NR3C2: variants seen among roughly 807,000 people sequenced by gnomAD.
The protein encoded by NR3C2 is nuclear receptor subfamily 3 group C member 2.
A neutral mutation model predicts 86.4 loss-of-function variants in NR3C2; 15 were observed. The observed-to-expected ratio is 0.17, with a 90% CI of 0.12 to 0.27. NR3C2 has a LOEUF of 0.27. Among genes scored for constraint, NR3C2 ranks in the 10% least tolerant of loss-of-function variants. NR3C2 has a pLI of 1.00. For missense variants in NR3C2, 960 were observed against 1,195.6 expected (o/e 0.80, Z 2.91); for synonymous variants, 458 against 450.5 (o/e 1.02, Z -0.21).
At chr4:148,434,950 A>T (rs1749964774) in intron 2 of NR3C2, among the ~76,000 whole-genome samples, 154 bp downstream of exon 2, 1 of 152,232 alleles carries the variant, frequency 6.6e-6, no homozygotes, top group Non-Finnish European at 1.5e-5. Context: ...CTTCAAAAAA[A>T]TAACATTATA....
At chr4:148,156,557 C>A (rs1560951046) in intron 4 of NR3C2, among the ~76,000 whole-genome samples, 5 of 152,098 alleles carry the variant, frequency 3.3e-5, no homozygotes, top group African/African-American at 1.2e-4. Flanking sequence ...AGAAAAAATG[C>A]TCATCATCAC....
At chr4:148,228,466 A>G (rs1738291965) in intron 3 of NR3C2, among the ~76,000 whole-genome samples, 1 of 152,224 alleles carries the variant, frequency 6.6e-6, no homozygotes, top group Non-Finnish European at 1.5e-5. Flanking sequence ...TGCAATAAAA[A>G]AGCAAAGCTG....
At chr4:148,290,515 A>G (rs1330340807) in intron 2 of NR3C2, among the ~76,000 whole-genome samples, 1 of 152,214 alleles carries the variant, frequency 6.6e-6, no homozygotes, top group African/African-American at 2.4e-5. Context: ...TGCAGCACAG[A>G]TAACTAATAT....
intron 4 of NR3C2, among the ~76,000 whole-genome samples, chr4:148,187,340 C>T (rs539995218): frequency 2.1e-4 from 32 of 152,036 alleles, no homozygotes; most frequent in African/African-American, 7.7e-4. Flanking sequence ...GAAGTGTTCC[C>T]TGTTTACCGC....
chr4:148,252,138 T>C lies in NR3C2; in HGVS notation c.1897+7840A>G, dbSNP rs1739608264. Among the ~76,000 whole-genome samples the C allele has an allele frequency of 2.0e-5, 3 of 152,178 alleles. No individual in the cohort carries two copies. The South Asian group carries it at 6.2e-4, about 31-fold the overall frequency. ...TGAGGATAGATAATAACCCCACACA[T>C]TTGATAGAATTATCAAGAGGATTAA... On this transcript the variant is annotated intron_variant, in intron 3 of 8. Coordinates refer to ENST00000358102, the MANE Select transcript of NR3C2 (RefSeq NM_000901.5).
At chr4:148,297,607 A>G (rs1183079320) in intron 2 of NR3C2, among the ~76,000 whole-genome samples, 1 of 152,180 alleles carries the variant, frequency 6.6e-6, no homozygotes, top group East Asian at 1.9e-4. Context: ...TAAAACTACA[A>G]AAGTAGACAG....
chr4:148,310,761 T>C (rs530391615), intron 2 of NR3C2, among the ~76,000 whole-genome samples: 82 of 152,286 alleles, frequency 5.4e-4, no homozygotes, highest in African/African-American at 1.8e-3. Context: ...ATGACATCTT[T>C]AAAATAATTT....
intron 2 of NR3C2, among the ~76,000 whole-genome samples, chr4:148,374,653 A>C (rs1746585100): frequency 6.6e-6 from 1 of 152,216 alleles, no homozygotes; most frequent in Admixed American, 6.5e-5. Flanking sequence ...CATTTGTGTA[A>C]GGGAACTGAG....
chr4:148,251,774 A>T (rs1739591923), intron 3 of NR3C2, among the ~76,000 whole-genome samples: 1 of 152,198 alleles, frequency 6.6e-6, no homozygotes, highest in Admixed American at 6.5e-5. Flanking sequence ...GAGATTACCC[A>T]ATTTCTTTTC....
At chr4:148,314,115 T>C (rs1743041964) in intron 2 of NR3C2, among the ~76,000 whole-genome samples, 1 of 152,070 alleles carries the variant, frequency 6.6e-6, no homozygotes, top group South Asian at 2.1e-4. Context: ...TGGACTCAGT[T>C]AAAAGAAACC....
At chr4:148,179,980 G>A (rs1451922690) in intron 4 of NR3C2, among the ~76,000 whole-genome samples, 4 of 151,244 alleles carry the variant, frequency 2.6e-5, no homozygotes, top group Admixed American at 2.6e-4. Context: ...TAAGCAAGGA[G>A]AATGGAAAGA....
At position 148,431,261 on chromosome 4, in the gene NR3C2, A is replaced by C. The variant is rs545497917; in HGVS notation, c.1757+3843T>G. On this transcript the variant is annotated intron_variant, in intron 2 of 8. Transcript: ENST00000358102. ...TTTTTACTTTAAAATGGTAAATGGAAATGATATTTTTCTCCCCAGACTACC... is the reference window on the plus strand; with the variant it reads ...TTTTTACTTTAAAATGGTAAATGGACATGATATTTTTCTCCCCAGACTACC... 5.9e-5 allele frequency among the ~76,000 whole-genome samples: 9 copies of C among 152,280 alleles called. No individual in the cohort carries two copies. The South Asian group carries it at 1.9e-3, about 32-fold the overall frequency.
intron 2 of NR3C2, among the ~76,000 whole-genome samples, chr4:148,311,946 G>A (rs1431855154): frequency 6.6e-6 from 1 of 152,170 alleles, no homozygotes; most frequent in East Asian, 1.9e-4. Flanking sequence ...AAACTTCTCA[G>A]TGAGGCCTCT....
chr4:148,258,724 C>T (rs922157972), intron 3 of NR3C2, among the ~76,000 whole-genome samples: 7 of 152,206 alleles, frequency 4.6e-5, no homozygotes, highest in Admixed American at 2.0e-4. Flanking sequence ...CAAAACCAAG[C>T]GACTGAGCGA....
chr4:148,197,935 G>A (rs556390872), intron 3 of NR3C2, among the ~76,000 whole-genome samples: 24 of 152,142 alleles, frequency 1.6e-4, no homozygotes, highest in African/African-American at 4.6e-4. Flanking sequence ...TCATCCATCC[G>A]TGTACTCGAG....
At position 148,102,082 on chromosome 4, in the gene NR3C2, T is replaced by G. The variant is rs1731563478; in HGVS notation, c.2799+12022A>C. The stretch of plus-strand genomic sequence containing the variant: ...AGCTTCTTCCCCTCAGGCCCCTCGT[T>G]GGCAAAATGGGGCACACACTCTCTT... On this transcript the variant is annotated intron_variant, in intron 8 of 8. Coordinates refer to ENST00000358102, the MANE Select transcript of NR3C2 (RefSeq NM_000901.5). Among the ~76,000 whole-genome samples the G allele has an allele frequency of 2.0e-5, 3 of 152,202 alleles. No homozygotes were observed. In the South Asian group the frequency reaches 6.2e-4, roughly 31 times the overall value.
At chr4:148,179,554 G>A (rs1209797599) in intron 4 of NR3C2, among the ~76,000 whole-genome samples, 1 of 151,684 alleles carries the variant, frequency 6.6e-6, no homozygotes, top group African/African-American at 2.4e-5. Context: ...GTATTTCTGG[G>A]GAGGGATGAA....
At chr4:148,200,810 A>G (rs1021738359) in intron 3 of NR3C2, among the ~76,000 whole-genome samples, 4 of 152,196 alleles carry the variant, frequency 2.6e-5, no homozygotes, top group African/African-American at 9.6e-5. Flanking sequence ...TATTACTATT[A>G]TCATGTACTA....
chr4:148,114,210 T>C lies in NR3C2; in HGVS notation c.2693A>G (p.Asn898Ser). The change falls in exon 8 of 9, where the codon AAT (asparagine) becomes AGT (serine). Residue 898 changes from asparagine to serine, a missense_variant. Physicochemically the swap from Asn to Ser is conservative, Grantham distance 46. This residue lies in a region of NR3C2 where 151 missense variants were observed against 296.3 expected (regional missense o/e 0.51). Coordinates refer to ENST00000358102, the MANE Select transcript of NR3C2 (RefSeq NM_000901.5). ...SQAAFEEMRT[N>S]YIKELRKMVT... is the part of the protein sequence containing the mutation. Reference sequence around the variant, plus strand: ...CATCTTCCTCAGTTCTTTGATGTAATTTGTCCTCATTTCTTCAAATGCAGC... The same window carrying C: ...CATCTTCCTCAGTTCTTTGATGTAACTTGTCCTCATTTCTTCAAATGCAGC... 1 of 1,614,030 alleles carries C rather than the reference T, an allele frequency of 6.2e-7. No individual in the cohort carries two copies. The highest frequency in any genetic ancestry group is 8.5e-7 in the Non-Finnish European group (1 of 1,179,956).
Sources: gnomAD v4.1 joint callset for allele counts (sites outside exome capture counted in the v4.1 genomes callset) on GRCh38, gnomAD v4.1.1 for gene constraint, gnomAD v4.1.1 regional missense constraint, MANE v1.5 for transcripts, NCBI Gene and HGNC (gene_info 2026-07-23, HGNC 2026-07-21) for gene names.